Variants in MITF observed in about 807,000 individuals in gnomAD.
MITF encodes microphthalmia-associated transcription factor.
A neutral mutation model predicts 60.5 loss-of-function variants in MITF; 17 were observed. The observed-to-expected ratio is 0.28, with a 90% CI of 0.19 to 0.42. The LOEUF (loss-of-function observed/expected upper bound fraction) is 0.42, where lower values mean the gene tolerates loss of function less well. Among genes scored for constraint, MITF ranks in the 10% least tolerant of loss-of-function variants. The pLI is 1.00. For missense variants in MITF, 622 were observed against 683.5 expected (o/e 0.91, Z 1.00); for synonymous variants, 260 against 248.5 (o/e 1.05, Z -0.43).
At chr3:69,855,873 G>A (rs1007388294) in intron 1 of MITF, among the ~76,000 whole-genome samples, 1 of 151,768 alleles carries the variant, frequency 6.6e-6, no homozygotes, top group Non-Finnish European at 1.5e-5. Context: ...TTTTTGTTTT[G>A]TTTTGTTTTC....
intron 1 of MITF, among the ~76,000 whole-genome samples, chr3:69,788,455 A>G (rs9854199): frequency 0.018 from 2,781 of 152,194 alleles, 80 homozygotes; most frequent in African/African-American, 0.062. Context: ...TGAGTATGCT[A>G]TATACCTAAT....
At chr3:69,811,808 T>A (rs2063104863) in intron 1 of MITF, among the ~76,000 whole-genome samples, 1 of 152,192 alleles carries the variant, frequency 6.6e-6, no homozygotes, top group Non-Finnish European at 1.5e-5. Flanking sequence ...GAAGACTGTG[T>A]ACACAGAGAG....
Position 69,917,788 on chromosome 3 carries a change from A to G in MITF, c.355-20034A>G, listed in dbSNP as rs1008834954. ...GTGGGCAGGTTGGTTGGTACATTTT[A>G]TGTCTTAGGGATATGTATAGATCCT... On this transcript the variant is annotated intron_variant, in intron 2 of 9. Transcript: ENST00000352241. Among the ~76,000 whole-genome samples, 3 of 152,108 alleles carry G rather than the reference A, an allele frequency of 2.0e-5. No individual in the cohort carries two copies. In the South Asian group the frequency reaches 6.2e-4, roughly 32 times the overall value.
chr3:69,742,842 T>C (rs1381434392), intron 1 of MITF, among the ~76,000 whole-genome samples: 1 of 152,252 alleles, frequency 6.6e-6, no homozygotes, highest in Non-Finnish European at 1.5e-5. Flanking sequence ...GTGGCCCTTT[T>C]TTGACCACAG....
In MITF at chr3:69,794,096, T is replaced by A. The variant is rs565305832; in HGVS notation, c.104+54395T>A. Among the ~76,000 whole-genome samples, 4 of 152,302 alleles carry A rather than the reference T, an allele frequency of 2.6e-5. No homozygotes were observed. The South Asian group carries it at 8.3e-4, about 32-fold the overall frequency. Reference sequence around the variant, plus strand: ...CAGGTAGCCAACGACCTCTTTCCTCTCCTAGTATCTTTTCTACAGAGTCTC... The same window carrying A: ...CAGGTAGCCAACGACCTCTTTCCTCACCTAGTATCTTTTCTACAGAGTCTC... On this transcript the variant is annotated intron_variant, in intron 1 of 9. Coordinates refer to ENST00000352241, the MANE Select transcript of MITF (RefSeq NM_001354604.2).
chr3:69,905,335 C>A (rs1326203447), intron 2 of MITF, among the ~76,000 whole-genome samples: 2 of 152,042 alleles, frequency 1.3e-5, no homozygotes, highest in African/African-American at 4.8e-5. Flanking sequence ...ATATTGCCAA[C>A]TGTATTCTTT....
chr3:69,965,204 C>G lies in MITF; in HGVS notation c.1537C>G (p.Arg513Gly), dbSNP rs752915964. The change falls in exon 10 of 10, where the codon CGG becomes GGG. Residue 513 changes from arginine (R) to glycine (G), a missense_variant. This residue lies in a region of MITF where 224 missense variants were observed against 209.5 expected (regional missense o/e 1.07). Transcript: ENST00000352241. Reference protein sequence around the residue: ...VSPGASKTSSRRSSMSMEETE... With the variant: ...VSPGASKTSSGRSSMSMEETE... ...CCCCGGAGCTTCCAAAACAAGCAGC[C>G]GGAGGAGCAGTATGAGCATGGAAGA... The G allele has an allele frequency of 6.2e-7, 1 of 1,613,760 alleles. No individual in the cohort carries two copies. The highest frequency in any genetic ancestry group is 2.2e-5 in the East Asian group (1 of 44,854).
intron 1 of MITF, among the ~76,000 whole-genome samples, chr3:69,795,937 AT>A (rs2062820003): frequency 6.6e-6 from 1 of 152,190 alleles, no homozygotes; most frequent in Admixed American, 6.5e-5. Flanking sequence ...TACATCATAA[AT>A]CAAATCCACT....
chr3:69,894,722 A>G (rs368485769), intron 2 of MITF, among the ~76,000 whole-genome samples: 2 of 151,890 alleles, frequency 1.3e-5, no homozygotes, highest in African/African-American at 4.8e-5. Flanking sequence ...CTCCACTCCA[A>G]TCTCTGTAAT....
At chr3:69,829,314 T>C (rs147242134) in intron 1 of MITF, among the ~76,000 whole-genome samples, 1 of 152,310 alleles carries the variant, frequency 6.6e-6, no homozygotes, top group East Asian at 1.9e-4. Flanking sequence ...CAGAAAGTGA[T>C]ATAACTTCTG....
chr3:69,836,204 A>G (rs2063538088), intron 1 of MITF, among the ~76,000 whole-genome samples: 1 of 151,922 alleles, frequency 6.6e-6, no homozygotes, highest in South Asian at 2.1e-4. Flanking sequence ...GGTTATGTTT[A>G]TTCCTATATA....
At chr3:69,852,056 A>G (rs2063833223) in intron 1 of MITF, among the ~76,000 whole-genome samples, 1 of 152,170 alleles carries the variant, frequency 6.6e-6, no homozygotes, top group South Asian at 2.1e-4. Flanking sequence ...TGATTTTAAG[A>G]TTATAATTAT....
intron 9 of MITF, among the ~76,000 whole-genome samples, chr3:69,963,196 C>T (rs2107547563): frequency 6.6e-6 from 1 of 152,150 alleles, no homozygotes; most frequent in African/African-American, 2.4e-5. Context: ...ACAATTTAGC[C>T]AATAATAGGA....
chr3:69,849,102 C>T (rs1172852838), intron 1 of MITF, among the ~76,000 whole-genome samples: 2 of 149,122 alleles, frequency 1.3e-5, no homozygotes, highest in Non-Finnish European at 3.0e-5. Context: ...GTAGCTGGGA[C>T]TACAGGCGCC....
In MITF at chr3:69,937,978, C is replaced by A; in HGVS notation, c.511C>A (p.Pro171Thr). Residue 171 changes from proline (P) to threonine (T), a missense_variant, in exon 3 of 10, where the codon CCG becomes ACG. Pro to Thr is a conservative substitution (Grantham distance 38). Transcript: ENST00000352241. ...CCAGCCTGGCGATCATGTCATGCCA[C>A]CGGTGCCGGGGAGCAGCGCACCCAA... ...PNQPGDHVMP[P>T]VPGSSAPNSP... is the part of the protein sequence containing the mutation. 2 of 1,614,192 alleles carry A rather than the reference C, an allele frequency of 1.2e-6. No individual in the cohort carries two copies. Among genetic ancestry groups the A allele is most frequent in the South Asian group, 2.2e-5 (2 of 91,090 alleles).
chr3:69,794,766 G>C (rs376597980), intron 1 of MITF, among the ~76,000 whole-genome samples: 1 of 152,182 alleles, frequency 6.6e-6, no homozygotes, highest in Non-Finnish European at 1.5e-5. Flanking sequence ...ATCTTAGCCA[G>C]TAAGCACTTC....
At chr3:69,873,698 C>T (rs531133572) in intron 1 of MITF, among the ~76,000 whole-genome samples, 49 of 152,198 alleles carry the variant, frequency 3.2e-4, no homozygotes, top group African/African-American at 7.9e-4. Context: ...AAATGGAATG[C>T]GAATTTTCTC....
At chr3:69,959,498 T>C (rs1576055812) in intron 9 of MITF, 78 bp downstream of exon 9, 6 of 1,556,892 alleles carry the variant, frequency 3.9e-6, no homozygotes, top group Non-Finnish European at 5.3e-6. Flanking sequence ...TAATGAGCCA[T>C]AGGGGAGTTG....
chr3:69,805,172 G>A (rs1206867861), intron 1 of MITF, among the ~76,000 whole-genome samples: 1 of 151,940 alleles, frequency 6.6e-6, no homozygotes, highest in African/African-American at 2.4e-5. Flanking sequence ...ACCAATTTAA[G>A]TTAGGAAGAT....
Sources: gnomAD v4.1 joint callset for allele counts (sites outside exome capture counted in the v4.1 genomes callset) on GRCh38, gnomAD v4.1.1 for gene constraint, gnomAD v4.1.1 regional missense constraint, MANE v1.5 for transcripts, NCBI Gene and HGNC (gene_info 2026-07-23, HGNC 2026-07-21) for gene names.